The following MGAT5 variants were observed in gnomAD, a reference collection of about 807,000 sequenced individuals.
MGAT5 encodes the protein alpha-1,6-mannosylglycoprotein 6-beta-N-acetylglucosaminyltransferase, also known as alpha-1,6-mannosylglycoprotein 6-beta-N-acetylglucosaminyltransferase A.
A neutral mutation model predicts 94.3 loss-of-function variants in MGAT5; 30 were observed. That is an observed-to-expected ratio of 0.32 (90% CI 0.24 to 0.43). The LOEUF (loss-of-function observed/expected upper bound fraction) is 0.43. Ranked by LOEUF, MGAT5 falls within the 20% of genes least tolerant of loss-of-function variation. The pLI, the probability that MGAT5 is intolerant of heterozygous loss-of-function variation, is 1.00. For missense variants in MGAT5, 691 were observed against 905.5 expected (o/e 0.76, Z 3.04); for synonymous variants, 310 against 322.9 (o/e 0.96, Z 0.43).
intron 10 of MGAT5, among the ~76,000 whole-genome samples, chr2:134,386,448 T>G (rs1681977943): frequency 6.6e-6 from 1 of 152,248 alleles, no homozygotes; most frequent in East Asian, 1.9e-4. Context: ...AATTTCCTTT[T>G]TCTCTTAAAA....
At chr2:134,222,375 A>G (rs906786305) in intron 1 of MGAT5, among the ~76,000 whole-genome samples, 14 of 152,316 alleles carry the variant, frequency 9.2e-5, no homozygotes, top group Admixed American at 9.1e-4. Context: ...GCATCATTAT[A>G]TTCTTTGATT....
At chr2:134,279,051 C>T (rs1684544378) in intron 2 of MGAT5, among the ~76,000 whole-genome samples, 1 of 152,190 alleles carries the variant, frequency 6.6e-6, no homozygotes, top group Admixed American at 6.5e-5. Context: ...CTTTTCAGTT[C>T]AGTGCTGAGC....
chr2:134,327,861 C>T (rs774994084), intron 4 of MGAT5, among the ~76,000 whole-genome samples: 1 of 152,020 alleles, frequency 6.6e-6, no homozygotes, highest in Non-Finnish European at 1.5e-5. Flanking sequence ...CATAATTGCA[C>T]ATTAAACACA....
chr2:134,230,254 T>C (rs1350845312), intron 1 of MGAT5, among the ~76,000 whole-genome samples: 1 of 152,228 alleles, frequency 6.6e-6, no homozygotes, highest in African/African-American at 2.4e-5. Context: ...GAGAATCTAA[T>C]GCAACCGCTG....
chr2:134,260,200 T>C (rs915123851), intron 1 of MGAT5, among the ~76,000 whole-genome samples: 2 of 152,234 alleles, frequency 1.3e-5, no homozygotes, highest in African/African-American at 4.8e-5. Flanking sequence ...CTATGACTTC[T>C]GGTATCAATA....
chr2:134,133,655 A>C (rs1686276332), intron 1 of MGAT5, among the ~76,000 whole-genome samples: 1 of 152,226 alleles, frequency 6.6e-6, no homozygotes, highest in South Asian at 2.1e-4. Context: ...ATGTAGAGAA[A>C]CTGGGTTGCA....
intron 2 of MGAT5, among the ~76,000 whole-genome samples, chr2:134,313,684 G>T (rs1686834434): frequency 6.6e-6 from 1 of 152,164 alleles, no homozygotes; most frequent in Non-Finnish European, 1.5e-5. Context: ...ATCTTGGCAG[G>T]ATCTTTCTTC....
At chr2:134,440,140 C>A (rs1448453602) in intron 14 of MGAT5, among the ~76,000 whole-genome samples, 2 of 152,196 alleles carry the variant, frequency 1.3e-5, no homozygotes, top group Non-Finnish European at 2.9e-5. Context: ...TCTATTCCCT[C>A]TAGATCCCAG....
intron 1 of MGAT5, among the ~76,000 whole-genome samples, chr2:134,157,333 C>G (rs746425562): frequency 3.9e-5 from 6 of 152,040 alleles, no homozygotes; most frequent in Non-Finnish European, 7.4e-5. Flanking sequence ...AACTTTTCTG[C>G]AAATTTAAAA....
chr2:134,331,964 C>T (rs1019480060), intron 4 of MGAT5, among the ~76,000 whole-genome samples: 3 of 145,152 alleles, frequency 2.1e-5, no homozygotes, highest in African/African-American at 7.6e-5. Flanking sequence ...TAGGAAGAAT[C>T]AATATCATGA....
At chr2:134,204,580 C>G (rs1247217466) in intron 1 of MGAT5, among the ~76,000 whole-genome samples, 3 of 151,994 alleles carry the variant, frequency 2.0e-5, no homozygotes, top group South Asian at 2.1e-4. Context: ...AAAACAGATG[C>G]TGGGAGAGGG....
chr2:134,140,670 C>G (rs1351411995), intron 1 of MGAT5, among the ~76,000 whole-genome samples: 1 of 152,208 alleles, frequency 6.6e-6, no homozygotes, highest in African/African-American at 2.4e-5. Flanking sequence ...TCCCATTGCT[C>G]CAATAATCGG....
intron 2 of MGAT5, among the ~76,000 whole-genome samples, chr2:134,311,935 C>G (rs1686696890): frequency 6.6e-6 from 1 of 152,164 alleles, no homozygotes; most frequent in Admixed American, 6.5e-5. Flanking sequence ...AGCAGTGGGA[C>G]AGTTAACAAA....
intron 9 of MGAT5, among the ~76,000 whole-genome samples, chr2:134,356,694 C>T (rs952385054): frequency 5.3e-5 from 8 of 152,122 alleles, no homozygotes; most frequent in Non-Finnish European, 8.8e-5. Flanking sequence ...TCCTCAAAAC[C>T]CTGTCGCTTA....
At chr2:134,411,872 G>T (rs907652572) in intron 11 of MGAT5, among the ~76,000 whole-genome samples, 2 of 152,214 alleles carry the variant, frequency 1.3e-5, no homozygotes, top group Admixed American at 1.3e-4. Context: ...AGGTAAGGAC[G>T]CCCTGGGGCC....
intron 1 of MGAT5, among the ~76,000 whole-genome samples, chr2:134,156,818 T>G (rs990961012): frequency 6.6e-6 from 1 of 152,184 alleles, no homozygotes; most frequent in African/African-American, 2.4e-5. Context: ...GAGCAACTCC[T>G]CATCTCTCTT....
chr2:134,317,498 T>C, intron 2 of MGAT5, 31 bp from the exon 3 acceptor site: 1 of 1,471,394 alleles, frequency 6.8e-7, no homozygotes, highest in Non-Finnish European at 9.2e-7. Flanking sequence ...TAGATCTCAT[T>C]GTATCCTTTG....
At chr2:134,428,140 C>A (rs1381470422) in intron 13 of MGAT5, among the ~76,000 whole-genome samples, 1 of 152,192 alleles carries the variant, frequency 6.6e-6, no homozygotes, top group African/African-American at 2.4e-5. Context: ...TTCTTATCAC[C>A]CTTTTACATA....
At chr2:134,122,814 G>T (rs1685678117) in intron 1 of MGAT5, among the ~76,000 whole-genome samples, 1 of 152,260 alleles carries the variant, frequency 6.6e-6, no homozygotes, top group Non-Finnish European at 1.5e-5. Context: ...GCAGCCACCA[G>T]TTGGTTTTAA....
Sources: gnomAD v4.1 joint callset for allele counts (sites outside exome capture counted in the v4.1 genomes callset) on GRCh38, gnomAD v4.1.1 for gene constraint, MANE v1.5 for transcripts, NCBI Gene and HGNC (gene_info 2026-07-23, HGNC 2026-07-21) for gene names.